PRKCE: variants seen among roughly 807,000 people sequenced by gnomAD.
PRKCE encodes protein kinase C epsilon type.
A neutral mutation model predicts 85.4 loss-of-function variants in PRKCE; 16 were observed. The observed-to-expected ratio is 0.19, with a 90% CI of 0.13 to 0.28. PRKCE has a LOEUF of 0.28. Ranked by LOEUF, PRKCE falls within the 10% of genes least tolerant of loss-of-function variation. The pLI is 1.00. For missense variants in PRKCE, 573 were observed against 975.2 expected (o/e 0.59, Z 5.49); for synonymous variants, 388 against 371.5 (o/e 1.04, Z -0.51).
At chr2:46,153,201 A>G (rs987354718) in intron 13 of PRKCE, among the ~76,000 whole-genome samples, 3 of 152,238 alleles carry the variant, frequency 2.0e-5, no homozygotes, top group Non-Finnish European at 4.4e-5. Flanking sequence ...AATTAAAAAT[A>G]TATCAATAGG....
chr2:45,879,246 A>C (rs766109454), intron 2 of PRKCE, among the ~76,000 whole-genome samples: 11 of 152,210 alleles, frequency 7.2e-5, no homozygotes, highest in African/African-American at 4.8e-5. Flanking sequence ...CGGGACTTCG[A>C]AGAAGAGTCC....
In PRKCE at chr2:46,011,027, G is replaced by C. The variant is rs142389556; in HGVS notation, c.1437+510G>C. The C allele has an allele frequency of 6.5e-5, 74 of 1,130,926 alleles. No homozygotes were observed. The African/African-American group carries it at 9.2e-4, about 14-fold the overall frequency. 70.1% of individuals were successfully genotyped at this position (1,130,926 alleles called of 1,614,324 possible). ...TTTTTAATTTACCGCATAGGTGTCT[G>C]GGAACCAGAAGGTGGCAGTAAAGAA... is the stretch of plus-strand genomic sequence containing the variant. On this transcript the variant is annotated intron_variant, in intron 10 of 14. Transcript: ENST00000306156.
At chr2:46,008,651 C>T (rs1249028485) in intron 9 of PRKCE, among the ~76,000 whole-genome samples, 1 of 152,182 alleles carries the variant, frequency 6.6e-6, no homozygotes, top group African/African-American at 2.4e-5. Flanking sequence ...CTGCCCCTAT[C>T]TCACCCTGAT....
At chr2:46,116,596 G>T (rs12619351) in intron 11 of PRKCE, among the ~76,000 whole-genome samples, 101,240 of 152,010 alleles carry the variant, frequency 0.67, 34,873 homozygotes, top group East Asian at 0.82. Flanking sequence ...GTGGGTCCTT[G>T]GATTGATGGG....
chr2:45,795,447 T>C (rs138809297), intron 1 of PRKCE, among the ~76,000 whole-genome samples: 5,788 of 152,194 alleles, frequency 0.038, 143 homozygotes, highest in Non-Finnish European at 0.056. Context: ...TAGCTGGGAT[T>C]ACAGGTGCCC....
intron 1 of PRKCE, among the ~76,000 whole-genome samples, chr2:45,731,445 T>C (rs1411058570): frequency 2.0e-5 from 3 of 152,136 alleles, no homozygotes; most frequent in Non-Finnish European, 2.9e-5. Context: ...TGGAGGTTTT[T>C]CATTTACTGA....
intron 2 of PRKCE, among the ~76,000 whole-genome samples, chr2:45,951,778 A>C (rs1700638573): frequency 6.6e-6 from 1 of 152,228 alleles, no homozygotes. Flanking sequence ...TGAGTGGTTT[A>C]AGACTGTAAA....
intron 2 of PRKCE, among the ~76,000 whole-genome samples, chr2:45,973,655 A>G (rs993415121): frequency 6.6e-6 from 1 of 152,218 alleles, no homozygotes; most frequent in Non-Finnish European, 1.5e-5. Context: ...TCCAGGTATC[A>G]GGGCACCCCG....
chr2:46,022,396 G>A (rs1706743898), intron 10 of PRKCE, among the ~76,000 whole-genome samples: 1 of 152,216 alleles, frequency 6.6e-6, no homozygotes, highest in South Asian at 2.1e-4. Context: ...GCTAATGCAT[G>A]AGTGAGACAA....
chr2:45,850,982 C>A (rs890379038), intron 2 of PRKCE, among the ~76,000 whole-genome samples: 1 of 152,212 alleles, frequency 6.6e-6, no homozygotes, highest in Non-Finnish European at 1.5e-5. Flanking sequence ...AGCAATAGAC[C>A]AGTAAGCATC....
chr2:45,822,330 G>A (rs551361846), intron 1 of PRKCE, among the ~76,000 whole-genome samples: 7 of 152,348 alleles, frequency 4.6e-5, no homozygotes, highest in East Asian at 1.9e-4. Flanking sequence ...GAGCCAGCCC[G>A]GGAGAAAAGT....
chr2:45,709,680 G>A (rs1203757975), intron 1 of PRKCE, among the ~76,000 whole-genome samples: 1 of 152,156 alleles, frequency 6.6e-6, no homozygotes, highest in Non-Finnish European at 1.5e-5. Flanking sequence ...GGGACTTCCA[G>A]ATCTAAACTC....
intron 2 of PRKCE, among the ~76,000 whole-genome samples, chr2:45,879,386 A>T (rs754836689): frequency 6.6e-6 from 1 of 152,172 alleles, no homozygotes; most frequent in African/African-American, 2.4e-5. Context: ...CAATTCATTC[A>T]TGTGACCTGA....
rs566061482 is a variant in PRKCE at position 46,129,319 on chromosome 2, C to T, written c.1593-15774C>T. Among the ~76,000 whole-genome samples the T allele has an allele frequency of 1.2e-3, 178 of 152,290 alleles. 1 individual carries two copies. The highest frequency in any genetic ancestry group is 3.8e-3 in the African/African-American group (156 of 41,562). On this transcript the variant is annotated intron_variant, in intron 11 of 14. Coordinates refer to ENST00000306156, the MANE Select transcript of PRKCE (RefSeq NM_005400.3). The stretch of plus-strand genomic sequence containing the variant: ...ATCCAAGGAAGGTGGGGGCCCATGG[C>T]AGGTGCTCAGTACGTAGCTGTTGAT...
chr2:45,939,852 C>T (rs887662642), intron 2 of PRKCE, among the ~76,000 whole-genome samples: 2 of 152,196 alleles, frequency 1.3e-5, no homozygotes, highest in African/African-American at 4.8e-5. Flanking sequence ...CATGCCTGGC[C>T]CGCTAATGCA....
intron 10 of PRKCE, among the ~76,000 whole-genome samples, chr2:46,012,024 A>G (rs1705723201): frequency 1.3e-5 from 2 of 152,090 alleles, no homozygotes; most frequent in South Asian, 4.2e-4. Context: ...AACTCTTCTC[A>G]TTTTTCATGT....
chr2:46,108,293 A>T (rs1320691517), intron 11 of PRKCE, among the ~76,000 whole-genome samples: 1 of 152,194 alleles, frequency 6.6e-6, no homozygotes, highest in Non-Finnish European at 1.5e-5. Flanking sequence ...ATTTTCTCCC[A>T]GTCTGTGGCT....
chr2:45,858,683 G>A (rs1692882817), intron 2 of PRKCE, among the ~76,000 whole-genome samples: 5 of 152,066 alleles, frequency 3.3e-5, no homozygotes, highest in Admixed American at 3.3e-4. Flanking sequence ...TATGATTTTA[G>A]CACCTAAATG....
intron 6 of PRKCE, among the ~76,000 whole-genome samples, chr2:45,991,923 A>G (rs1026765896): frequency 1.3e-5 from 2 of 152,166 alleles, no homozygotes; most frequent in Non-Finnish European, 2.9e-5. Flanking sequence ...GAGAGGTGTC[A>G]TTTATGCCAC....
Sources: gnomAD v4.1 joint callset for allele counts (sites outside exome capture counted in the v4.1 genomes callset) on GRCh38, gnomAD v4.1.1 for gene constraint, MANE v1.5 for transcripts, NCBI Gene and HGNC (gene_info 2026-07-23, HGNC 2026-07-21) for gene names.